WWOX: variants seen among roughly 807,000 people sequenced by gnomAD.
WWOX encodes WW domain-containing oxidoreductase.
In WWOX, 69 loss-of-function variants were observed where a neutral mutation model predicts 46.2. The observed-to-expected ratio is 1.49, with a 90% confidence interval of 1.23 to 1.82. WWOX has a LOEUF of 1.82. Among genes scored for constraint, WWOX ranks in the 40% most tolerant of loss-of-function variants. The pLI, the probability that WWOX is intolerant of heterozygous loss-of-function variation, is 0.00. For missense variants in WWOX, 919 were observed against 542.6 expected (o/e 1.69, Z -6.89); for synonymous variants, 359 against 202.6 (o/e 1.77, Z -6.56).
intron 8 of WWOX, among the ~76,000 whole-genome samples, chr16:79,145,350 A>G (rs2050165234): frequency 6.6e-6 from 1 of 152,142 alleles, no homozygotes; most frequent in South Asian, 2.1e-4. Flanking sequence ...CACTTTCAGT[A>G]GAGTCAAGGA....
intron 1 of WWOX, among the ~76,000 whole-genome samples, chr16:78,101,346 CTTTT>C (rs71137871): frequency 0.012 from 814 of 66,856 alleles, 45 homozygotes; most frequent in African/African-American, 0.036. Context: ...CGCTCCCGGC[CTTTT>C]TTTTTTTTTT....
intron 8 of WWOX, among the ~76,000 whole-genome samples, chr16:79,197,522 A>G (rs567462120): frequency 1.3e-4 from 19 of 151,616 alleles, no homozygotes; most frequent in Non-Finnish European, 2.2e-4. Context: ...ACTGTCACCA[A>G]CCCTGCTTTT....
intron 8 of WWOX, among the ~76,000 whole-genome samples, chr16:78,801,986 C>T (rs1046556115): frequency 1.2e-4 from 18 of 152,140 alleles, no homozygotes; most frequent in African/African-American, 3.4e-4. Flanking sequence ...GAGAATTAAC[C>T]GAGATGATGT....
intron 8 of WWOX, among the ~76,000 whole-genome samples, chr16:78,637,007 G>T (rs1464057857): frequency 6.6e-6 from 1 of 152,190 alleles, no homozygotes; most frequent in African/African-American, 2.4e-5. Flanking sequence ...GCGCATTTGA[G>T]ACAGGTTGAG....
intron 8 of WWOX, among the ~76,000 whole-genome samples, chr16:78,451,381 A>G (rs1436442843): frequency 6.6e-6 from 1 of 152,212 alleles, no homozygotes; most frequent in Non-Finnish European, 1.5e-5. Context: ...TTTATTTTCC[A>G]CAGTCCACTA....
In WWOX at chr16:78,540,094, C is replaced by T. The variant is rs542128710; in HGVS notation, c.1056+107342C>T. Among the ~76,000 whole-genome samples, 8 of 151,306 alleles carry T rather than the reference C, an allele frequency of 5.3e-5. No individual in the cohort carries two copies. In the East Asian group the frequency reaches 1.6e-3, roughly 29 times the overall value. ...AAACTGTAGAGTTAACATTCTTTTT[C>T]CACCCTCACACTTTTTTTAGCTCCG... is the stretch of plus-strand genomic sequence containing the variant. On this transcript the variant is annotated intron_variant, in intron 8 of 8. Transcript: ENST00000566780.
At chr16:78,848,190 C>G (rs192029616) in intron 8 of WWOX, among the ~76,000 whole-genome samples, 5 of 152,304 alleles carry the variant, frequency 3.3e-5, no homozygotes, top group Non-Finnish European at 5.9e-5. Flanking sequence ...TAATATCCAG[C>G]AAATGCCAAT....
chr16:78,772,147 T>G (rs75084615), intron 8 of WWOX, among the ~76,000 whole-genome samples: 6,685 of 152,282 alleles, frequency 0.044, 204 homozygotes, highest in South Asian at 0.13. Flanking sequence ...ACCCAGGTAA[T>G]AAGCCTTGTA....
At chr16:78,635,935 G>A (rs1355757722) in intron 8 of WWOX, among the ~76,000 whole-genome samples, 1 of 152,122 alleles carries the variant, frequency 6.6e-6, no homozygotes, top group Admixed American at 6.6e-5. Flanking sequence ...AGCCAAGAGA[G>A]GTCACTGTGG....
At chr16:78,396,758 G>A (rs1227188208) in intron 6 of WWOX, among the ~76,000 whole-genome samples, 2 of 152,198 alleles carry the variant, frequency 1.3e-5, no homozygotes, top group Non-Finnish European at 2.9e-5. Context: ...AGTCTCTGCG[G>A]CAACCATTCA....
chr16:78,335,386 T>G (rs1218005976), intron 5 of WWOX, among the ~76,000 whole-genome samples: 1 of 152,208 alleles, frequency 6.6e-6, no homozygotes, highest in African/African-American at 2.4e-5. Flanking sequence ...TGTTTGGTTT[T>G]CAGTTTCTGC....
Position 79,211,643 on chromosome 16 carries a change from T to TGTCC in WWOX, c.1093_1096dup (p.Pro366ArgfsTer164), listed in dbSNP as rs754523187. ...CTGCCACCACCGTGTACTGTGCTGC[T>TGTCC]GTCCCAGAACTGGAGGGTCTGGGAG... On this transcript the variant is annotated frameshift_variant, in exon 9 of 9. Coordinates refer to ENST00000566780, the MANE Select transcript of WWOX (RefSeq NM_016373.4). LOFTEE classifies it high-confidence loss of function. 3 of 1,614,116 alleles carry TGTCC rather than the reference T, an allele frequency of 1.9e-6. No individual in the cohort carries two copies. In the African/African-American group the frequency reaches 4.0e-5, roughly 22 times the overall value.
At chr16:79,003,776 C>G (rs1249418201) in intron 8 of WWOX, among the ~76,000 whole-genome samples, 1 of 152,158 alleles carries the variant, frequency 6.6e-6, no homozygotes, top group Admixed American at 6.5e-5. Flanking sequence ...CCTTTTCTGA[C>G]TTAGTCTCAG....
chr16:78,132,251 C>A (rs968979694), intron 4 of WWOX, among the ~76,000 whole-genome samples: 4 of 151,880 alleles, frequency 2.6e-5, no homozygotes, highest in African/African-American at 7.3e-5. Flanking sequence ...TGGTCTTGAT[C>A]TCCTGACCTC....
At chr16:78,866,940 C>A (rs1179801138) in intron 8 of WWOX, among the ~76,000 whole-genome samples, 1 of 152,172 alleles carries the variant, frequency 6.6e-6, no homozygotes, top group East Asian at 1.9e-4. Context: ...AAATATGAAC[C>A]CTTGCCACCA....
intron 5 of WWOX, among the ~76,000 whole-genome samples, chr16:78,316,627 G>A (rs955774842): frequency 5.3e-5 from 8 of 152,160 alleles, no homozygotes; most frequent in African/African-American, 1.2e-4. Flanking sequence ...ATAGGCCTGA[G>A]CCACGGTGCC....
At chr16:78,669,690 A>T (rs2047415477) in intron 8 of WWOX, among the ~76,000 whole-genome samples, 1 of 152,192 alleles carries the variant, frequency 6.6e-6, no homozygotes, top group Admixed American at 6.5e-5. Flanking sequence ...TTTTTGTTTG[A>T]GCTAAAAACT....
At chr16:78,558,047 G>C (rs1472903001) in intron 8 of WWOX, among the ~76,000 whole-genome samples, 8 of 152,036 alleles carry the variant, frequency 5.3e-5, no homozygotes, top group Non-Finnish European at 1.2e-4. Flanking sequence ...CCCTCAGTGA[G>C]CATTTGTTGA....
chr16:78,547,321 T>C (rs539767367), intron 8 of WWOX, among the ~76,000 whole-genome samples: 6 of 151,914 alleles, frequency 3.9e-5, no homozygotes, highest in Non-Finnish European at 8.8e-5. Context: ...ACTATTAGTA[T>C]CCCCAATTTA....
Sources: allele counts gnomAD v4.1 joint callset (sites outside exome capture counted in the v4.1 genomes callset), GRCh38; gene constraint gnomAD v4.1.1; transcripts MANE v1.5; gene names NCBI Gene and HGNC (gene_info 2026-07-23, HGNC 2026-07-21).